IDH2: variants seen among roughly 807,000 people sequenced by gnomAD.
The protein encoded by IDH2 is isocitrate dehydrogenase (NADP(+)) 2, also known as isocitrate dehydrogenase [NADP], mitochondrial.
In IDH2, 18 loss-of-function variants were observed where a neutral mutation model predicts 50.5. That is an observed-to-expected ratio of 0.36 (90% confidence interval 0.25 to 0.53). The LOEUF (loss-of-function observed/expected upper bound fraction) is 0.53, where lower values mean the gene tolerates loss of function less well. IDH2 is among the 20% of genes least tolerant of loss of function. The pLI is 0.92. For synonymous variants in IDH2, 280 were observed against 239.8 expected (o/e 1.17, Z -1.55); for missense variants, 518 against 610.7 (o/e 0.85, Z 1.60).
At chr15:90,096,831 A>C (rs964561932) in intron 1 of IDH2, among the ~76,000 whole-genome samples, 2 of 151,762 alleles carry the variant, frequency 1.3e-5, no homozygotes, top group African/African-American at 2.4e-5. Context: ...GGAGAATGGC[A>C]TGAACCCGGG....
At chr15:90,094,529 T>TA (rs1328760429) in intron 1 of IDH2, among the ~76,000 whole-genome samples, 1 of 152,182 alleles carries the variant, frequency 6.6e-6, no homozygotes, top group African/African-American at 2.4e-5. Context: ...ACACAGTCCT[T>TA]AGAGAGGTGG....
At chr15:90,091,714 G>C (rs1247412377) in intron 1 of IDH2, 70 bp from the exon 2 acceptor site, 5 of 1,235,706 alleles carry the variant, frequency 4.0e-6, no homozygotes, top group Non-Finnish European at 6.0e-6. Context: ...CTCCCAGCCA[G>C]GCCCGCCCTT....
At chr15:90,086,977 C>T in intron 7 of IDH2, 135 bp downstream of exon 7, 1 of 912,916 alleles carries the variant, frequency 1.1e-6, no homozygotes, top group Non-Finnish European at 1.8e-6. Flanking sequence ...GGAGCTCCTG[C>T]CCCCTGCTGT....
chr15:90,100,730 G>A lies in IDH2; in HGVS notation c.115+1546C>T. The A allele has an allele frequency of 2.4e-6, 2 of 829,832 alleles. No individual in the cohort carries two copies. Among genetic ancestry groups the A allele is most frequent in the Non-Finnish European group, 2.9e-6 (2 of 687,812 alleles). 51.4% of individuals were successfully genotyped at this position (829,832 alleles called of 1,614,324 possible). On this transcript the variant is annotated intron_variant, in intron 1 of 10. Transcript: ENST00000330062. The surrounding 1 kb of genome is among the most constrained non-coding windows in gnomAD (Gnocchi z 4.1). ...GGGAATGCCAAGTATTCTGTCTCCA[G>A]CTGCGTTGCCAGGTAACAAGCTGGC...
rs1900779097 is a variant in IDH2 at position 90,083,618 on chromosome 15, T to C, written c.*648A>G. ...AGGTGTGGGTAGGACCTCTTTTTAG[T>C]ACCTAGAAAAAGGCTAAGAAAGTGG... On this transcript the variant is annotated 3_prime_UTR_variant, in exon 11 of 11. Coordinates refer to ENST00000330062, the MANE Select transcript of IDH2 (RefSeq NM_002168.4). 2 of 155,930 alleles carry C rather than the reference T, an allele frequency of 1.3e-5. No individual in the cohort carries two copies. The highest frequency in any genetic ancestry group is 1.2e-4 in the Admixed American group (2 of 16,052). The allele number at this position is 155,930 out of a possible 1,614,324, so 9.7% of individuals were successfully genotyped here.
Position 90,083,161 on chromosome 15 carries a change from C to G in IDH2, c.*1105G>C, listed in dbSNP as rs1212939275. ...TTTTTTTTTTTTTTTGAGACAGAGT[C>G]TTGCTCTGTCACCCAGGCTGGAGTG... On this transcript the variant is annotated 3_prime_UTR_variant, in exon 11 of 11. Coordinates refer to ENST00000330062, the MANE Select transcript of IDH2 (RefSeq NM_002168.4). The G allele has an allele frequency of 1.0e-5, 1 of 95,350 alleles. No individual in the cohort carries two copies. Among genetic ancestry groups the G allele is most frequent in the Middle Eastern group, 0.013 (1 of 76 alleles). The allele number at this position is 95,350 out of a possible 1,614,324, so 5.9% of individuals were successfully genotyped here.
Position 90,088,707 on chromosome 15 carries a change from A to C in IDH2, c.414T>G (p.Thr138=). The C allele has an allele frequency of 6.2e-7, 1 of 1,614,102 alleles. No individual in the cohort carries two copies. The highest frequency in any genetic ancestry group is 8.5e-7 in the Non-Finnish European group (1 of 1,180,036). The part of the protein sequence containing the change: ...LKKMWKSPNG[T]IRNILGGTVF... ...CAGTCCCCCCCAGGATGTTCCGGAT[A>C]GTTCCATTGGGACTTTTCCACATCT... The change falls in exon 4 of 11, where the codon ACT becomes ACG. Residue 138 remains threonine (T), a synonymous_variant. Coordinates refer to ENST00000330062, the MANE Select transcript of IDH2 (RefSeq NM_002168.4).
At chr15:90,097,520 T>G (rs757993312) in intron 1 of IDH2, among the ~76,000 whole-genome samples, 97 of 152,178 alleles carry the variant, frequency 6.4e-4, no homozygotes, top group Non-Finnish European at 1.3e-3. Flanking sequence ...TGCTACAAAG[T>G]GGATGAACCT....
intron 1 of IDH2, among the ~76,000 whole-genome samples, chr15:90,096,219 G>A (rs900902148): frequency 6.6e-6 from 1 of 152,144 alleles, no homozygotes; most frequent in Non-Finnish European, 1.5e-5. Flanking sequence ...AGAATTGCTT[G>A]AACCCAGGAG....
rs547444309 is a variant in IDH2, at chr15:90,098,954, A to G, written c.115+3322T>C. Among the ~76,000 whole-genome samples, 14 of 152,250 alleles carry G rather than the reference A, an allele frequency of 9.2e-5. No individual in the cohort carries two copies. The highest frequency in any genetic ancestry group is 3.1e-4 in the African/African-American group (13 of 41,554). ...CCTCAGACAAGCCCACCCTTGCCAT[A>G]AGTGAGTGCCTGCTGCGTATCTAGA... On this transcript the variant is annotated intron_variant, in intron 1 of 10. Coordinates refer to ENST00000330062, the MANE Select transcript of IDH2 (RefSeq NM_002168.4). This position sits in a 1 kb window ranked among gnomAD's most constrained non-coding sequence, Gnocchi z 5.1.
intron 7 of IDH2, among the ~76,000 whole-genome samples, 183 bp downstream of exon 7, chr15:90,086,929 C>T (rs1352974471): frequency 6.6e-6 from 1 of 152,078 alleles, no homozygotes; most frequent in East Asian, 1.9e-4. Context: ...TACACCAGTC[C>T]AAACCTAATT....
At chr15:90,089,005 C>T (rs142768027) in intron 3 of IDH2, among the ~76,000 whole-genome samples, 1 of 149,486 alleles carries the variant, frequency 6.7e-6, no homozygotes, top group East Asian at 2.0e-4. Context: ...ACCTCTGCCT[C>T]CTGGGTTCAA....
chr15:90,093,217 CTT>C, intron 1 of IDH2, among the ~76,000 whole-genome samples: 2 of 152,268 alleles, frequency 1.3e-5, no homozygotes, highest in Middle Eastern at 6.8e-3. Context: ...GTCAGGGTCT[CTT>C]TATCTCTCTC....
chr15:90,091,697 C>G (rs1481784970), intron 1 of IDH2, 53 bp from the exon 2 acceptor site: 2 of 1,457,386 alleles, frequency 1.4e-6, no homozygotes, highest in South Asian at 2.3e-5. Context: ...TGGAGGGGGG[C>G]CCTCTCCTCC....
Position 90,098,864 on chromosome 15 carries a change from C to T in IDH2, c.115+3412G>A, listed in dbSNP as rs1901258284. 6.6e-6 allele frequency among the ~76,000 whole-genome samples: 1 copy of T among 152,156 alleles called. No individual in the cohort carries two copies. The highest frequency in any genetic ancestry group is 1.5e-5 in the Non-Finnish European group (1 of 68,024). On this transcript the variant is annotated intron_variant, in intron 1 of 10. Coordinates refer to ENST00000330062, the MANE Select transcript of IDH2 (RefSeq NM_002168.4). The surrounding 1 kb of genome is among the most constrained non-coding windows in gnomAD (Gnocchi z 5.1). The stretch of plus-strand genomic sequence containing the variant: ...CCATTTTGGAACAAACTCTAGTAGA[C>T]TCCTTGGTGTCATCCTTCATTCCTT...
At position 90,102,385 on chromosome 15, in the gene IDH2, G is replaced by C; in HGVS notation, c.6C>G (p.Ala2=). 2 of 1,356,624 alleles carry C rather than the reference G, an allele frequency of 1.5e-6. No individual in the cohort carries two copies. Among genetic ancestry groups the C allele is most frequent in the Non-Finnish European group, 1.9e-6 (2 of 1,043,848 alleles). The allele number at this position is 1,356,624 out of a possible 1,614,324, so 84.0% of individuals were successfully genotyped here. A position where few individuals can be genotyped will look rare whatever the true frequency, so the allele number is the denominator to read the frequency against. Reference sequence around the variant, plus strand: ...GCGAGCGCACGACCCGCAGGTAGCCGGCCATCCCAAGCTGGAGAGCGAACG... The same window carrying C: ...GCGAGCGCACGACCCGCAGGTAGCCCGCCATCCCAAGCTGGAGAGCGAACG... The part of the protein sequence containing the change: M[A]GYLRVVRSLC... The change falls in exon 1 of 11, where the codon GCC becomes GCG. Residue 2 remains alanine (A), a synonymous_variant. Transcript: ENST00000330062.
chr15:90,099,790 G>C (rs1383893669), intron 1 of IDH2, among the ~76,000 whole-genome samples: 1 of 152,034 alleles, frequency 6.6e-6, no homozygotes, highest in African/African-American at 2.4e-5. Context: ...TATCATACTA[G>C]TCAACATCTA....
Position 90,102,328 on chromosome 15 carries a change from C to G in IDH2, c.63G>C (p.Trp21Cys). The G allele has an allele frequency of 7.3e-7, 1 of 1,363,132 alleles. No individual in the cohort carries two copies. The highest frequency in any genetic ancestry group is 1.5e-5 in the African/African-American group (1 of 66,598). 84.4% of individuals were successfully genotyped at this position (1,363,132 alleles called of 1,614,324 possible). The change falls in exon 1 of 11, where the codon TGG (tryptophan) becomes TGC (cysteine). Residue 21 changes from tryptophan to cysteine, a missense_variant. Physicochemically the swap from Trp to Cys is radical, Grantham distance 215. Transcript: ENST00000330062. ...LCRASGSRPA[W>C]APAALTAPTS... ...TGGGGGCTGTCAGGGCCGCCGGCGC[C>G]CAGGCCGGCCGCGAGCCTGAGGCTC...
intron 1 of IDH2, among the ~76,000 whole-genome samples, chr15:90,096,637 G>A (rs1053694674): frequency 1.3e-5 from 2 of 152,124 alleles, no homozygotes; most frequent in East Asian, 1.9e-4. Flanking sequence ...AATTACTGCC[G>A]GGCACGGTGG....
Sources: gnomAD v4.1 joint callset for allele counts (sites outside exome capture counted in the v4.1 genomes callset) on GRCh38, gnomAD v4.1.1 for gene constraint, Gnocchi (gnomAD v3.1) non-coding constraint, MANE v1.5 for transcripts, NCBI Gene and HGNC (gene_info 2026-07-23, HGNC 2026-07-21) for gene names.